The following MYH15 variants were observed in gnomAD, a reference collection of about 807,000 sequenced individuals.
The protein encoded by MYH15 is myosin-15.
MYH15 carries 227 observed loss-of-function variants against 240.5 expected under a neutral mutation model. The ratio of observed to expected loss-of-function variants is 0.94; its 90% CI spans 0.85 to 1.05. The LOEUF (loss-of-function observed/expected upper bound fraction) is 1.05, where lower values mean the gene tolerates loss of function less well. MYH15 is among the 50% of genes least tolerant of loss of function. MYH15 has a pLI of 0.00. For missense variants in MYH15, 2,217 were observed against 2,247.5 expected, an observed-to-expected ratio of 0.99 and a Z score of 0.27; for synonymous variants, 785 against 796.7, an observed-to-expected ratio of 0.99 and a Z score of 0.25.
intron 11 of MYH15, among the ~76,000 whole-genome samples, chr3:108,477,818 G>A (rs2083233836): frequency 1.3e-5 from 2 of 152,098 alleles, no homozygotes; most frequent in East Asian, 3.8e-4. Context: ...TCAAGAAGTG[G>A]AGAATAAGTA....
chr3:108,480,463 T>C (rs934268896), intron 11 of MYH15, among the ~76,000 whole-genome samples: 8 of 152,066 alleles, frequency 5.3e-5, no homozygotes, highest in African/African-American at 1.9e-4. Flanking sequence ...AATTAAAGAA[T>C]GGGGAAATGT....
At chr3:108,455,364 A>G (rs1027095861) in intron 20 of MYH15, among the ~76,000 whole-genome samples, 1 of 152,220 alleles carries the variant, frequency 6.6e-6, no homozygotes, top group African/African-American at 2.4e-5. Context: ...TGTCCCTGAA[A>G]GAATATGGTG....
rs192891437 is a variant in MYH15 at position 108,474,854 on chromosome 3, C to T, written c.1233+1543G>A. ...TTTAGCTCAATGTAGTCTATTTTAA[C>T]ATGCGTGGAGCACTTACGGCTTACA... On this transcript the variant is annotated intron_variant, in intron 12 of 40. Transcript: ENST00000693548. 1.4e-3 allele frequency among the ~76,000 whole-genome samples: 212 copies of T among 152,270 alleles called. 2 individuals carry two copies. The highest frequency in any genetic ancestry group is 1.3e-4 in the Non-Finnish European group (9 of 68,012).
At chr3:108,487,115 C>T (rs2083312360) in intron 9 of MYH15, among the ~76,000 whole-genome samples, 1 of 152,172 alleles carries the variant, frequency 6.6e-6, no homozygotes. Context: ...AGAGTCCTGA[C>T]ATGATTCACT....
intron 24 of MYH15, 76 bp downstream of exon 24, chr3:108,439,661 A>G: frequency 8.1e-7 from 1 of 1,237,364 alleles, no homozygotes; most frequent in Non-Finnish European, 1.1e-6. Context: ...CTGTCAAGAT[A>G]AATTAATGAA....
intron 40 of MYH15, among the ~76,000 whole-genome samples, chr3:108,383,163 T>C (rs574688906): frequency 4.4e-4 from 67 of 152,366 alleles, no homozygotes; most frequent in African/African-American, 1.4e-3. Context: ...GCCTCAATTT[T>C]AAACATCTTC....
intron 36 of MYH15, 133 bp from the exon 37 acceptor site, chr3:108,392,063 A>G: frequency 1.0e-6 from 1 of 974,078 alleles, no homozygotes; most frequent in Middle Eastern, 2.5e-4. Flanking sequence ...TTCCCATTAT[A>G]ATCTCCCTAA....
chr3:108,463,364 G>T, intron 15 of MYH15, 121 bp from the exon 16 acceptor site: 1 of 1,056,362 alleles, frequency 9.5e-7, no homozygotes, highest in Non-Finnish European at 1.4e-6. Flanking sequence ...ATCCAGGCTA[G>T]AATGCAGTGG....
intron 27 of MYH15, among the ~76,000 whole-genome samples, chr3:108,422,376 C>T (rs766996515): frequency 3.9e-5 from 6 of 152,052 alleles, no homozygotes; most frequent in Non-Finnish European, 8.8e-5. Context: ...CGCCACCATG[C>T]CCAGCTAATT....
At chr3:108,488,716 G>A (rs182976997) in intron 9 of MYH15, among the ~76,000 whole-genome samples, 55 of 151,834 alleles carry the variant, frequency 3.6e-4, no homozygotes, top group Non-Finnish European at 7.1e-4. Flanking sequence ...TCTCTATCTC[G>A]GCAATTGTGA....
chr3:108,408,536 T>A (rs2082563829), intron 31 of MYH15, 132 bp from the exon 32 acceptor site: 1 of 841,004 alleles, frequency 1.2e-6, no homozygotes, highest in African/African-American at 1.7e-5. Flanking sequence ...TGATGACCTA[T>A]CCTATATGGG....
intron 12 of MYH15, among the ~76,000 whole-genome samples, chr3:108,474,027 C>G (rs1216532017): frequency 2.0e-5 from 3 of 152,222 alleles, no homozygotes; most frequent in Non-Finnish European, 4.4e-5. Context: ...AACCACTTCA[C>G]TGTGGGGCTC....
intron 1 of MYH15, among the ~76,000 whole-genome samples, chr3:108,518,042 C>T (rs1349658631): frequency 6.6e-6 from 1 of 152,072 alleles, no homozygotes; most frequent in Non-Finnish European, 1.5e-5. Flanking sequence ...CTCAAACATC[C>T]CTGAAATGAT....
Position 108,463,195 on chromosome 3 carries a change from T to G in MYH15, c.1780A>C (p.Asn594His), listed in dbSNP as rs749820395. 1 of 1,613,296 alleles carries G rather than the reference T, an allele frequency of 6.2e-7. No homozygotes were observed. Among genetic ancestry groups the G allele is most frequent in the East Asian group, 2.2e-5 (1 of 44,860 alleles). Residue 594 changes from asparagine (N) to histidine (H), a missense_variant, in exon 16 of 41, where the codon AAT (asparagine) becomes CAT (histidine). Coordinates refer to ENST00000693548, the MANE Select transcript of MYH15 (RefSeq NM_014981.3). The part of the protein sequence containing the change: ...GWLEKNKDLL[N>H]ETVVAVFQKS... ...TGAAATACAGCTACCACTGTTTCATTAAGGAGGTCTTTGTTCTTTTCCAGC... is the reference window on the plus strand; with the variant it reads ...TGAAATACAGCTACCACTGTTTCATGAAGGAGGTCTTTGTTCTTTTCCAGC...
chr3:108,483,160 C>G (rs1339744783), intron 11 of MYH15, among the ~76,000 whole-genome samples: 1 of 150,912 alleles, frequency 6.6e-6, no homozygotes. Context: ...ATATTGCCCC[C>G]CTGTACTCCA....
At chr3:108,457,325 G>A (rs2083031475) in intron 18 of MYH15, among the ~76,000 whole-genome samples, 1 of 152,166 alleles carries the variant, frequency 6.6e-6, no homozygotes, top group Non-Finnish European at 1.5e-5. Context: ...AAGGAAAGGG[G>A]AAGATAGACA....
Position 108,439,814 on chromosome 3 carries a change from C to A in MYH15, c.2998G>T (p.Asp1000Tyr), listed in dbSNP as rs202235173. Residue 1000 changes from aspartate (D) to tyrosine (Y), a missense_variant, in exon 24 of 41, where the codon GAT (aspartate) becomes TAT (tyrosine). Transcript: ENST00000693548. ...VVQEAHQQTLDDLHMEEEKLS... is the reference protein window; with the variant it reads ...VVQEAHQQTLYDLHMEEEKLS... The stretch of plus-strand genomic sequence containing the variant: ...TTCTCCTCCTCCATGTGCAGGTCAT[C>A]CAGGGTCTGCTGATGGGCCTCCTGC... The A allele has an allele frequency of 1.7e-4, 271 of 1,613,426 alleles. No homozygotes were observed. In the African/African-American group the frequency reaches 3.2e-3, roughly 19 times the overall value.
chr3:108,382,760 C>T (rs978460570), intron 40 of MYH15, among the ~76,000 whole-genome samples: 13 of 151,872 alleles, frequency 8.6e-5, no homozygotes, highest in African/African-American at 2.7e-4. Flanking sequence ...TGATGCACCA[C>T]GTTTAAAAAA....
chr3:108,423,653 C>T (rs550193401), intron 27 of MYH15, among the ~76,000 whole-genome samples: 8 of 152,326 alleles, frequency 5.3e-5, no homozygotes, highest in Admixed American at 2.0e-4. Flanking sequence ...TTCTTCCTCA[C>T]GATATCTCTC....
Sources: allele counts gnomAD v4.1 joint callset (sites outside exome capture counted in the v4.1 genomes callset), GRCh38; gene constraint gnomAD v4.1.1; transcripts MANE v1.5; gene names NCBI Gene and HGNC (gene_info 2026-07-23, HGNC 2026-07-21).